Variants in PLCE1 observed in about 807,000 individuals in gnomAD.
PLCE1 encodes phospholipase C epsilon 1.
A neutral mutation model predicts 242.8 loss-of-function variants in PLCE1; 119 were observed. That is an observed-to-expected ratio of 0.49 (90% CI 0.42 to 0.57). PLCE1 has a LOEUF of 0.57. Among genes scored for constraint, PLCE1 ranks in the 20% least tolerant of loss-of-function variants. The pLI is 0.00. For synonymous variants in PLCE1, 945 were observed against 1,017.4 expected (o/e 0.93, Z 1.35); for missense variants, 2,441 against 2,788.8 (o/e 0.88, Z 2.81).
intron 3 of PLCE1, among the ~76,000 whole-genome samples, chr10:94,146,511 A>G (rs2047118788): frequency 6.6e-6 from 1 of 152,206 alleles, no homozygotes; most frequent in Non-Finnish European, 1.5e-5. Context: ...AGCTGGGAGC[A>G]AGGCCTTCTC....
chr10:94,103,746 C>T (rs541345572), intron 2 of PLCE1, among the ~76,000 whole-genome samples: 1 of 152,332 alleles, frequency 6.6e-6, no homozygotes, highest in South Asian at 2.1e-4. Context: ...TCCTTACCCA[C>T]ACGGTGTGTG....
chr10:94,293,548 AG>A lies in PLCE1; in HGVS notation c.5077del (p.Glu1693LysfsTer16). 1 of 1,613,926 alleles carries A rather than the reference AG, an allele frequency of 6.2e-7. No homozygotes were observed. The highest frequency in any genetic ancestry group is 8.5e-7 in the Non-Finnish European group (1 of 1,179,834). On this transcript the variant is annotated frameshift_variant, in exon 23 of 33. Transcript: ENST00000371380. LOFTEE classifies it high-confidence loss of function. ...LNASGSSRGK[E>X]RKSRKSIFGN... ...ATGCATCTGGCTCTAGCAGAGGAAAAGAAAGGAAAAGCAGGAAGTCCATTTT... is the reference window on the plus strand; with the variant it reads ...ATGCATCTGGCTCTAGCAGAGGAAAAAAAGGAAAAGCAGGAAGTCCATTTT...
intron 2 of PLCE1, among the ~76,000 whole-genome samples, chr10:94,097,953 A>C (rs929332855): frequency 1.3e-5 from 2 of 152,244 alleles, no homozygotes; most frequent in Non-Finnish European, 2.9e-5. Flanking sequence ...AGCAGTGGAC[A>C]GGCGACAGAG....
Position 94,132,210 on chromosome 10 carries a change from A to C in PLCE1, c.1243A>C (p.Thr415Pro), listed in dbSNP as rs746234814. 6.2e-7 allele frequency: 1 copy of C among 1,614,156 alleles called. No homozygotes were observed. Among genetic ancestry groups the C allele is most frequent in the South Asian group, 1.1e-5 (1 of 91,082 alleles). ...AGTGAGAAGAGAAGAAACAGAAAAT[A>C]CAGTTGGATCTCTACTCCATTTCCT... ...NAVRREETEN[T>P]VGSLLHFLTK... Residue 415 changes from threonine (T) to proline (P), a missense_variant, in exon 3 of 33, where the codon ACA (threonine) becomes CCA (proline). Transcript: ENST00000371380.
chr10:94,201,691 G>A (rs1294724304), intron 4 of PLCE1, among the ~76,000 whole-genome samples: 2 of 152,160 alleles, frequency 1.3e-5, no homozygotes, highest in Non-Finnish European at 1.5e-5. Context: ...GTGTTAGCCA[G>A]GATGGTCTCG....
intron 2 of PLCE1, among the ~76,000 whole-genome samples, chr10:94,075,592 T>C (rs564489616): frequency 1.3e-5 from 2 of 152,354 alleles, no homozygotes; most frequent in South Asian, 4.1e-4. Flanking sequence ...TATCGGTGTC[T>C]AGCTGTTTTG....
At chr10:94,017,617 T>C (rs1371203816) in intron 1 of PLCE1, among the ~76,000 whole-genome samples, 1 of 152,188 alleles carries the variant, frequency 6.6e-6, no homozygotes, top group African/African-American at 2.4e-5. Context: ...TCAATTGGTG[T>C]TGGTGTTGAT....
intron 4 of PLCE1, among the ~76,000 whole-genome samples, chr10:94,220,552 G>A (rs1345984228): frequency 6.6e-6 from 1 of 151,464 alleles, no homozygotes; most frequent in African/African-American, 2.4e-5. Context: ...ACCCTTCTCA[G>A]GGCAGTCACA....
At chr10:94,104,712 G>C (rs1389709181) in intron 2 of PLCE1, 1 of 152,100 alleles carries the variant, frequency 6.6e-6, no homozygotes, top group African/African-American at 2.4e-5. Context: ...TCTGCATCTG[G>C]CACGGTGGAC....
At chr10:94,211,732 C>G (rs2049336158) in intron 4 of PLCE1, among the ~76,000 whole-genome samples, 1 of 152,054 alleles carries the variant, frequency 6.6e-6, no homozygotes, top group Non-Finnish European at 1.5e-5. Context: ...TTTATGACAC[C>G]AATTATAAAA....
chr10:94,009,744 C>A (rs1209383220), intron 1 of PLCE1, among the ~76,000 whole-genome samples: 1 of 152,248 alleles, frequency 6.6e-6, no homozygotes, highest in Non-Finnish European at 1.5e-5. Context: ...ACAGGGCAGG[C>A]ATTAAACCTT....
intron 2 of PLCE1, chr10:94,089,216 T>G: frequency 6.2e-7 from 1 of 1,614,050 alleles, no homozygotes; most frequent in Non-Finnish European, 8.5e-7. Flanking sequence ...CTGTGCAGCC[T>G]CTTAGGCAGA....
At position 94,102,599 on chromosome 10, in the gene PLCE1, A is replaced by G. The variant is rs558152295; in HGVS notation, c.1207-29575A>G. ...CTCATGTCACACGTGAAGACAATAC[A>G]TTCCAGTGTGTTTGAGTGACCTGAC... On this transcript the variant is annotated intron_variant, in intron 2 of 32. Transcript: ENST00000371380. Among the ~76,000 whole-genome samples the G allele has an allele frequency of 3.3e-5, 5 of 152,346 alleles. No homozygotes were observed. The South Asian group carries it at 1.0e-3, about 32-fold the overall frequency.
At position 94,171,516 on chromosome 10, in the gene PLCE1, TG is replaced by T; in HGVS notation, c.1809+21del. ...AATGAGGTAAGAAGCCACTTTTTGA[TG>T]TCTTGGTATTTGACTCACCCGTAAG... On this transcript the variant is annotated intron_variant, in intron 4 of 32. Transcript: ENST00000371380. The T allele has an allele frequency of 6.3e-7, 1 of 1,595,442 alleles. No homozygotes were observed. Among genetic ancestry groups the T allele is most frequent in the Non-Finnish European group, 8.6e-7 (1 of 1,163,042 alleles).
intron 4 of PLCE1, among the ~76,000 whole-genome samples, chr10:94,176,814 G>A (rs150895756): frequency 0.017 from 2,653 of 152,208 alleles, 31 homozygotes; most frequent in Non-Finnish European, 0.023. Flanking sequence ...TACCAAAAAA[G>A]GCAGAAAGTA....
At chr10:94,252,219 C>A in intron 8 of PLCE1, 97 bp from the exon 9 acceptor site, 1 of 1,072,524 alleles carries the variant, frequency 9.3e-7, no homozygotes, top group Non-Finnish European at 1.4e-6. Flanking sequence ...GCCGTCTGTG[C>A]TCTTCCACCT....
intron 2 of PLCE1, 45 bp from the exon 3 acceptor site, chr10:94,132,129 C>A: frequency 6.3e-7 from 1 of 1,591,724 alleles, no homozygotes; most frequent in Non-Finnish European, 8.6e-7. Context: ...ATTTGCTTTC[C>A]TAAGAAACTA....
chr10:93,996,413 ATTAGGAAAC>A (rs1564613717), intron 1 of PLCE1, among the ~76,000 whole-genome samples: 1 of 152,184 alleles, frequency 6.6e-6, no homozygotes, highest in Admixed American at 6.5e-5. Flanking sequence ...AAGACAGGTG[ATTAGGAAAC>A]ATGGTGCTTC....
intron 4 of PLCE1, among the ~76,000 whole-genome samples, chr10:94,216,430 G>A (rs2049529098): frequency 6.6e-6 from 1 of 152,196 alleles, no homozygotes; most frequent in African/African-American, 2.4e-5. Context: ...GCTCTAGAGG[G>A]TAGACACTCA....
Sources: gnomAD v4.1 joint callset for allele counts (sites outside exome capture counted in the v4.1 genomes callset) on GRCh38, gnomAD v4.1.1 for gene constraint, MANE v1.5 for transcripts, NCBI Gene and HGNC (gene_info 2026-07-23, HGNC 2026-07-21) for gene names.